Variants in PALB2 observed in about 807,000 individuals in gnomAD.
The protein encoded by PALB2 is mutant partner and localizer of BRCA2.
PALB2 carries 82 observed loss-of-function variants against 107.4 expected under a neutral mutation model. That is an observed-to-expected ratio of 0.76 (90% CI 0.64 to 0.92). The LOEUF (loss-of-function observed/expected upper bound fraction) is 0.92. PALB2 is among the 40% of genes least tolerant of loss of function. PALB2 has a pLI of 0.00. For missense variants in PALB2, 1,374 were observed against 1,379.9 expected, an observed-to-expected ratio of 1.00 and a Z score of 0.07; for synonymous variants, 489 against 496.8, an observed-to-expected ratio of 0.98 and a Z score of 0.21.
chr16:23,618,239 C>G (rs1002154801), intron 10 of PALB2, among the ~76,000 whole-genome samples: 1 of 152,192 alleles, frequency 6.6e-6, no homozygotes, highest in Non-Finnish European at 1.5e-5. Context: ...TTTGAGGTTG[C>G]AGTGAGCTAC....
At chr16:23,624,836 G>GA (rs1966838888) in intron 7 of PALB2, among the ~76,000 whole-genome samples, 1 of 152,158 alleles carries the variant, frequency 6.6e-6, no homozygotes, top group South Asian at 2.1e-4. Context: ...TGTATGGTGA[G>GA]AAAAGACAGA....
intron 12 of PALB2, chr16:23,607,454 AAT>A (rs921812589): frequency 3.4e-4 from 87 of 259,204 alleles, no homozygotes; most frequent in Non-Finnish European, 4.3e-4. Flanking sequence ...ATGTTTGGCT[AAT>A]ATATATATAT....
rs1363757104 is a variant in PALB2 at position 23,613,501 on chromosome 16, G to A, written c.3201+503C>T. 2.6e-5 allele frequency among the ~76,000 whole-genome samples: 4 copies of A among 151,980 alleles called. No individual in the cohort carries two copies. In the East Asian group the frequency reaches 7.7e-4, roughly 29 times the overall value. On this transcript the variant is annotated intron_variant, in intron 11 of 12. Transcript: ENST00000261584. ...TCTACTAAAAATACAAAAATTAGCC[G>A]GGTGTGGTGGCGGGCACCTGTAATC...
intron 4 of PALB2, among the ~76,000 whole-genome samples, chr16:23,632,866 G>C (rs1966895207): frequency 6.6e-6 from 1 of 152,172 alleles, no homozygotes; most frequent in Non-Finnish European, 1.5e-5. Context: ...GGCCGAGGTG[G>C]GTAGATCACC....
At chr16:23,619,044 T>C (rs1349675369) in intron 10 of PALB2, among the ~76,000 whole-genome samples, 1 of 151,644 alleles carries the variant, frequency 6.6e-6, no homozygotes, top group Non-Finnish European at 1.5e-5. Context: ...TAAGTCACCA[T>C]AGTGTTTAAA....
Position 23,635,718 on chromosome 16 carries a change from G to A in PALB2, c.828C>T (p.His276=), listed in dbSNP as rs911713488. 8 of 1,613,986 alleles carry A rather than the reference G, an allele frequency of 5.0e-6. No homozygotes were observed. Among genetic ancestry groups the A allele is most frequent in the South Asian group, 2.2e-5 (2 of 91,086 alleles). The part of the protein sequence containing the change: ...PPKGSSELTT[H]DLKNIRFTSP... ...AAGTAAATCTAATGTTTTTTAGGTC[G>A]TGAGTAGTAAGTTCACTGCTACCTT... The change falls in exon 4 of 13, where the codon CAC becomes CAT. Residue 276 remains histidine (H), a synonymous_variant. Transcript: ENST00000261584.
At chr16:23,621,164 C>T (rs934655754) in intron 10 of PALB2, among the ~76,000 whole-genome samples, 198 bp downstream of exon 10, 2 of 152,104 alleles carry the variant, frequency 1.3e-5, no homozygotes, top group Non-Finnish European at 2.9e-5. Flanking sequence ...GAGCCGAGAT[C>T]ATACCACTGT....
At chr16:23,636,445 G>T in intron 3 of PALB2, 111 bp from the exon 4 acceptor site, 1 of 766,396 alleles carries the variant, frequency 1.3e-6, no homozygotes. Flanking sequence ...ATTTAAGAAA[G>T]AATCAGTGAC....
At chr16:23,616,047 G>T (rs1966679052) in intron 10 of PALB2, among the ~76,000 whole-genome samples, 1 of 152,130 alleles carries the variant, frequency 6.6e-6, no homozygotes, top group African/African-American at 2.4e-5. Flanking sequence ...TCTGCCTGAA[G>T]AACATATGCA....
intron 9 of PALB2, 30 bp downstream of exon 9, chr16:23,622,939 T>C (rs2142333838): frequency 1.9e-6 from 3 of 1,612,718 alleles, no homozygotes; most frequent in Non-Finnish European, 2.5e-6. Flanking sequence ...CTTCATCTAA[T>C]AGTTAAAAAT....
At chr16:23,619,157 G>A (rs1966731515) in intron 10 of PALB2, among the ~76,000 whole-genome samples, 1 of 152,106 alleles carries the variant, frequency 6.6e-6, no homozygotes, top group Non-Finnish European at 1.5e-5. Context: ...CTGGCCCTAA[G>A]GAAACAGTTA....
At chr16:23,639,517 G>GAA (rs1186283940) in intron 1 of PALB2, among the ~76,000 whole-genome samples, 3,419 of 43,662 alleles carry the variant, frequency 0.078, 168 homozygotes, top group Middle Eastern at 0.19. Context: ...GACTCTGCTT[G>GAA]AAAAAAAAAA....
At position 23,635,700 on chromosome 16, in the gene PALB2, T is replaced by C; in HGVS notation, c.846A>G (p.Arg282=). 1 of 1,614,150 alleles carries C rather than the reference T, an allele frequency of 6.2e-7. No homozygotes were observed. Among genetic ancestry groups the C allele is most frequent in the South Asian group, 1.1e-5 (1 of 91,088 alleles). Residue 282 remains arginine, a synonymous_variant, in exon 4 of 13, where the codon AGA becomes AGG. Transcript: ENST00000261584. ...ELTTHDLKNI[R]FTSPVSLEAQ... ...CCTCCAAACTTACAGGTGAAGTAAA[T>C]CTAATGTTTTTTAGGTCGTGAGTAG...
At position 23,603,565 on chromosome 16, in the gene PALB2, G is replaced by A. The variant is rs1555457860; in HGVS notation, c.3455C>T (p.Pro1152Leu). ...LLLGQCTALLPPVSDQHWSFV... is the reference protein window; with the variant it reads ...LLLGQCTALLLPVSDQHWSFV... ...AGACCAATGTTGGTCAGAGACAGGT[G>A]GGAGGAGGGCAGTACACTGACCGAG... The change falls in exon 13 of 13, where the codon CCA becomes CTA. Residue 1152 changes from proline to leucine, a missense_variant. By Grantham distance (98) the Pro-to-Leu change is moderately conservative (BLOSUM62 -3). Transcript: ENST00000261584. 6.2e-7 allele frequency: 1 copy of A among 1,614,090 alleles called. No homozygotes were observed. The highest frequency in any genetic ancestry group is 8.5e-7 in the Non-Finnish European group (1 of 1,179,964).
intron 6 of PALB2, among the ~76,000 whole-genome samples, chr16:23,626,703 C>T (rs1966843398): frequency 6.6e-6 from 1 of 152,050 alleles, no homozygotes. Flanking sequence ...CTTACTGCAA[C>T]CTTCGCCTCC....
At chr16:23,633,711 TG>T (rs893956297) in intron 4 of PALB2, among the ~76,000 whole-genome samples, 1 of 152,060 alleles carries the variant, frequency 6.6e-6, no homozygotes, top group African/African-American at 2.4e-5. Flanking sequence ...GTCTTAGTCT[TG>T]TTTTTTTTTG....
chr16:23,603,728 A>T, intron 12 of PALB2, 59 bp from the exon 13 acceptor site: 1 of 1,510,482 alleles, frequency 6.6e-7, no homozygotes, highest in Non-Finnish European at 9.0e-7. Flanking sequence ...AATTAAAAAA[A>T]AAAAAAAGGT....
At chr16:23,625,891 G>A (rs1966841651) in intron 7 of PALB2, among the ~76,000 whole-genome samples, 1 of 151,216 alleles carries the variant, frequency 6.6e-6, no homozygotes. Context: ...TGAGGTGAGA[G>A]GATTACTGAG....
At chr16:23,608,378 G>C (rs1027142642) in intron 11 of PALB2, among the ~76,000 whole-genome samples, 1 of 151,950 alleles carries the variant, frequency 6.6e-6, no homozygotes, top group Non-Finnish European at 1.5e-5. Flanking sequence ...AGCTTCTCCT[G>C]CTTCCGGTTC....
Sources: gnomAD v4.1 joint callset for allele counts (sites outside exome capture counted in the v4.1 genomes callset) on GRCh38, gnomAD v4.1.1 for gene constraint, MANE v1.5 for transcripts, NCBI Gene and HGNC (gene_info 2026-07-23, HGNC 2026-07-21) for gene names.